The following MYOM1 variants were observed in gnomAD, a reference collection of about 807,000 sequenced individuals.
The protein encoded by MYOM1 is myomesin 1, also known as myomesin-1.
MYOM1 carries 164 observed loss-of-function variants against 205.3 expected under a neutral mutation model. The observed-to-expected ratio is 0.80, with a 90% CI of 0.70 to 0.91. MYOM1 has a LOEUF of 0.91. MYOM1 is among the 40% of genes least tolerant of loss of function. The pLI, the probability that MYOM1 is intolerant of heterozygous loss-of-function variation, is 0.00. For synonymous variants in MYOM1, 772 were observed against 789.4 expected (o/e 0.98, Z 0.37); for missense variants, 2,011 against 2,127.3 (o/e 0.95, Z 1.08).
At chr18:3,225,788 C>A in the MYOM1 span, among the ~76,000 whole-genome samples, 3 of 152,192 alleles carry the variant, frequency 2.0e-5, no homozygotes, top group Non-Finnish European at 4.4e-5. Context: ...GCCCCTTCTT[C>A]CCCCTCTCTG....
At chr18:3,214,099 T>A (rs1365432420) in intron 2 of MYOM1, among the ~76,000 whole-genome samples, 2 of 152,258 alleles carry the variant, frequency 1.3e-5, no homozygotes, top group African/African-American at 4.8e-5. Flanking sequence ...TTTTATCAAA[T>A]GGTCGAGCTA....
Position 3,151,908 on chromosome 18 carries a change from G to A in MYOM1, c.1644-15C>T, listed in dbSNP as rs371187763. ...CCACCTCACACCTAAAGGAATGAGC[G>A]TGATTGACAAAAATATTAAAAGAAG... On this transcript the variant is annotated splice_polypyrimidine_tract_variant and intron_variant, in intron 11 of 37. Coordinates refer to ENST00000356443, the MANE Select transcript of MYOM1 (RefSeq NM_003803.4). 2.4e-5 allele frequency: 38 copies of A among 1,603,956 alleles called. No homozygotes were observed. The highest frequency in any genetic ancestry group is 1.2e-4 in the South Asian group (11 of 90,330).
At position 3,169,033 on chromosome 18, in the gene MYOM1, A is replaced by T. The variant is rs900842035; in HGVS notation, c.1175-52T>A. On this transcript the variant is annotated intron_variant, in intron 8 of 37. Transcript: ENST00000356443. ...TAATTTTTTTCTTCATCAAAGAGAC[A>T]CAAGCATTTTAATAAGCACAGGCAG... 26 of 1,517,424 alleles carry T rather than the reference A, an allele frequency of 1.7e-5. 1 individual carries two copies. Among genetic ancestry groups the T allele is most frequent in the Non-Finnish European group, 2.2e-5 (25 of 1,121,758 alleles). The allele number at this position is 1,517,424 out of a possible 1,614,324, so 94.0% of individuals were successfully genotyped here. A position where few individuals can be genotyped will look rare whatever the true frequency, so the allele number is the denominator to read the frequency against.
chr18:3,135,826 A>G lies in MYOM1; in HGVS notation c.2026-96T>C, dbSNP rs1487513749. 2 of 1,322,256 alleles carry G rather than the reference A, an allele frequency of 1.5e-6. No homozygotes were observed. The highest frequency in any genetic ancestry group is 1.3e-5 in the South Asian group (1 of 74,706). 81.9% of individuals were successfully genotyped at this position (1,322,256 alleles called of 1,614,324 possible). A position where few individuals can be genotyped will look rare whatever the true frequency, so the allele number is the denominator to read the frequency against. ...AAGTTTCATTCATCTGCAACAAACC[A>G]CTCCCTGTAATGCAAGCTGGACTGG... On this transcript the variant is annotated intron_variant, in intron 14 of 37. Coordinates refer to ENST00000356443, the MANE Select transcript of MYOM1 (RefSeq NM_003803.4). The surrounding 1 kb of genome is among the most constrained non-coding windows in gnomAD (Gnocchi z 4.1).
At chr18:3,141,199 T>A (rs1473055400) in intron 14 of MYOM1, among the ~76,000 whole-genome samples, 1 of 152,238 alleles carries the variant, frequency 6.6e-6, no homozygotes, top group African/African-American at 2.4e-5. Flanking sequence ...AATAATGTTC[T>A]GTACAGGTCT....
intron 34 of MYOM1, among the ~76,000 whole-genome samples, chr18:3,076,711 C>A (rs1409274359): frequency 6.9e-6 from 1 of 145,452 alleles, no homozygotes; most frequent in Non-Finnish European, 1.5e-5. Flanking sequence ...AAGATTCAAG[C>A]AAAATGGCAG....
chr18:3,147,824 C>T (rs2080151809), intron 13 of MYOM1, among the ~76,000 whole-genome samples: 1 of 152,060 alleles, frequency 6.6e-6, no homozygotes, highest in Non-Finnish European at 1.5e-5. Flanking sequence ...ATAATTGAGG[C>T]CCTTACTTCT....
intron 13 of MYOM1, among the ~76,000 whole-genome samples, chr18:3,147,119 TA>T (rs2080137943): frequency 7.1e-6 from 1 of 140,030 alleles, no homozygotes; most frequent in Middle Eastern, 4.0e-3. Context: ...TATTTATATA[TA>T]AATATTATAT....
chr18:3,214,901 G>C (rs752398321), intron 2 of MYOM1, 33 bp downstream of exon 2: 2 of 1,546,860 alleles, frequency 1.3e-6, no homozygotes, highest in African/African-American at 2.7e-5. Context: ...CTCTTCCTGA[G>C]GTTGGAAGGT....
chr18:3,199,185 G>A (rs1269216561), intron 2 of MYOM1, among the ~76,000 whole-genome samples: 2 of 152,164 alleles, frequency 1.3e-5, no homozygotes, highest in Non-Finnish European at 2.9e-5. Context: ...GAGCAGCCAG[G>A]GAAGACTGAC....
At chr18:3,239,820 ATGT>A in the MYOM1 span, among the ~76,000 whole-genome samples, 4 of 151,230 alleles carry the variant, frequency 2.6e-5, no homozygotes, top group Admixed American at 6.6e-5. Context: ...GACTAGAGAA[ATGT>A]TGTGGGCATC....
At chr18:3,230,471 T>A in the MYOM1 span, among the ~76,000 whole-genome samples, 29 of 152,260 alleles carry the variant, frequency 1.9e-4, no homozygotes, top group South Asian at 4.1e-4. Context: ...ATTTGTCCCC[T>A]CTGGGAGACA....
chr18:3,111,629 G>C (rs1357468798), intron 22 of MYOM1, among the ~76,000 whole-genome samples: 2 of 152,014 alleles, frequency 1.3e-5, no homozygotes, highest in African/African-American at 2.4e-5. Context: ...TCAAAACACA[G>C]GAAAATTATA....
At chr18:3,075,343 G>GA (rs1483756048) in intron 36 of MYOM1, 111 bp downstream of exon 36, 3 of 1,078,640 alleles carry the variant, frequency 2.8e-6, no homozygotes, top group Non-Finnish European at 4.1e-6. Context: ...ATTTAAAAAA[G>GA]AAAAAAACCA....
At chr18:3,151,950 T>A (rs370402977) in intron 11 of MYOM1, 57 bp from the exon 12 acceptor site, 14 of 1,521,044 alleles carry the variant, frequency 9.2e-6, no homozygotes, top group Middle Eastern at 1.7e-4. Flanking sequence ...TTAATGAATA[T>A]CTCCAGAGCT....
At chr18:3,240,863 G>A in the MYOM1 span, among the ~76,000 whole-genome samples, 41 of 152,356 alleles carry the variant, frequency 2.7e-4, 1 homozygote, top group African/African-American at 9.9e-4. Context: ...CTCAGATGGA[G>A]ATGAGGAACT....
At chr18:3,235,930 GAACATCAAATGCA>G in the MYOM1 span, among the ~76,000 whole-genome samples, 23 of 152,294 alleles carry the variant, frequency 1.5e-4, no homozygotes, top group African/African-American at 5.5e-4. Flanking sequence ...TTGAAATCAG[GAACATCAAATGCA>G]AAGGTCTTGA....
At chr18:3,203,988 T>C (rs1430170494) in intron 2 of MYOM1, among the ~76,000 whole-genome samples, 5 of 151,924 alleles carry the variant, frequency 3.3e-5, no homozygotes, top group Non-Finnish European at 7.4e-5. Flanking sequence ...ACCATATTAA[T>C]AGAATAAAAA....
chr18:3,103,208 T>C (rs1324757216), intron 22 of MYOM1, among the ~76,000 whole-genome samples: 2 of 152,234 alleles, frequency 1.3e-5, no homozygotes, highest in Non-Finnish European at 2.9e-5. Flanking sequence ...GAGAAATATA[T>C]GGATGCCTGC....
Sources: gnomAD v4.1 joint callset for allele counts (sites outside exome capture counted in the v4.1 genomes callset) on GRCh38, gnomAD v4.1.1 for gene constraint, Gnocchi (gnomAD v3.1) non-coding constraint, MANE v1.5 for transcripts, NCBI Gene and HGNC (gene_info 2026-07-23, HGNC 2026-07-21) for gene names.